Variants in SEMA6D observed in about 807,000 individuals in gnomAD.
SEMA6D encodes the protein semaphorin-6D.
A neutral mutation model predicts 106.6 loss-of-function variants in SEMA6D; 35 were observed. That is an observed-to-expected ratio of 0.33 (90% confidence interval 0.25 to 0.44). The LOEUF (loss-of-function observed/expected upper bound fraction) is 0.44, where lower values mean the gene tolerates loss of function less well. SEMA6D is among the 20% of genes least tolerant of loss of function. SEMA6D has a pLI of 1.00. For synonymous variants in SEMA6D, 499 were observed against 487.7 expected (o/e 1.02, Z -0.31); for missense variants, 1,185 against 1,345.9 (o/e 0.88, Z 1.87).
intron 6 of SEMA6D, 41 bp from the exon 7 acceptor site, chr15:47,761,620 T>A: frequency 6.8e-7 from 1 of 1,477,962 alleles, no homozygotes; most frequent in East Asian, 2.3e-5. Context: ...AACGGGCACG[T>A]TGAATAGATA....
intron 4 of SEMA6D, among the ~76,000 whole-genome samples, chr15:47,692,404 A>C (rs1184970758): frequency 1.3e-5 from 2 of 152,078 alleles, no homozygotes; most frequent in African/African-American, 4.8e-5. Flanking sequence ...CATCTCCCAT[A>C]CCAGCTCTGT....
At chr15:47,524,206 A>AT (rs1474524899) in intron 3 of SEMA6D, among the ~76,000 whole-genome samples, 1 of 152,184 alleles carries the variant, frequency 6.6e-6, no homozygotes, top group Admixed American at 6.5e-5. Context: ...GAATGTTGCC[A>AT]TATCTAGGTA....
chr15:47,322,000 A>C (rs2036941593), intron 1 of SEMA6D, among the ~76,000 whole-genome samples: 1 of 152,286 alleles, frequency 6.6e-6, no homozygotes, highest in Non-Finnish European at 1.5e-5. Flanking sequence ...ATTTAGGGTA[A>C]GTCTATGCTT....
intron 3 of SEMA6D, among the ~76,000 whole-genome samples, chr15:47,594,127 A>T (rs1325032047): frequency 2.0e-5 from 3 of 152,258 alleles, no homozygotes; most frequent in Non-Finnish European, 4.4e-5. Flanking sequence ...GACAGATGCT[A>T]TCAAGGCTTA....
At chr15:47,356,448 CAGA>C (rs908259430) in intron 1 of SEMA6D, among the ~76,000 whole-genome samples, 2 of 151,870 alleles carry the variant, frequency 1.3e-5, no homozygotes, top group Admixed American at 1.3e-4. Flanking sequence ...TGGGAAAAAT[CAGA>C]AGATTTTGAG....
chr15:47,747,610 G>A (rs541833747), intron 1 of SEMA6D, among the ~76,000 whole-genome samples: 31 of 152,056 alleles, frequency 2.0e-4, no homozygotes, highest in Non-Finnish European at 3.8e-4. Context: ...TAAGAGCAAG[G>A]CATTAATAAG....
chr15:47,353,775 A>G lies in SEMA6D; in HGVS notation c.-238-58618A>G, dbSNP rs555767806. ...ACATTTATCTAGAAAGAATGAATGC[A>G]CTGTCCTTTTCCTAAAGGCAACAGT... On this transcript the variant is annotated intron_variant, in intron 1 of 19. Transcript: ENST00000558014. Among the ~76,000 whole-genome samples the G allele has an allele frequency of 2.6e-5, 4 of 152,324 alleles. No homozygotes were observed. The East Asian group carries it at 7.7e-4, about 29-fold the overall frequency.
intron 3 of SEMA6D, among the ~76,000 whole-genome samples, chr15:47,584,760 G>T (rs1042691150): frequency 3.3e-5 from 5 of 152,132 alleles, no homozygotes; most frequent in Non-Finnish European, 7.3e-5. Flanking sequence ...TACCCCCAGG[G>T]CAAAGCAGCC....
chr15:47,480,213 A>G (rs1036261233), intron 3 of SEMA6D, among the ~76,000 whole-genome samples: 1 of 152,032 alleles, frequency 6.6e-6, no homozygotes, highest in Admixed American at 6.6e-5. Flanking sequence ...TCTCACCTGC[A>G]TGAAAGTAAT....
chr15:47,546,496 C>G (rs569339248), intron 3 of SEMA6D, among the ~76,000 whole-genome samples: 1 of 152,220 alleles, frequency 6.6e-6, no homozygotes, highest in Non-Finnish European at 1.5e-5. Context: ...TGTAAGTGCA[C>G]TGTATCTCCA....
intron 3 of SEMA6D, among the ~76,000 whole-genome samples, chr15:47,760,664 GA>G (rs3840835): frequency 0.42 from 62,162 of 148,188 alleles, 13,528 homozygotes; most frequent in East Asian, 0.63. Flanking sequence ...AGCAGCAGGG[GA>G]AAAAAAAAAA....
intron 1 of SEMA6D, among the ~76,000 whole-genome samples, chr15:47,186,384 A>G (rs1305643849): frequency 1.3e-5 from 2 of 152,184 alleles, no homozygotes. Flanking sequence ...GGTAGAAGAA[A>G]ATAAAAATGG....
intron 4 of SEMA6D, among the ~76,000 whole-genome samples, chr15:47,673,959 T>C (rs2078189796): frequency 6.6e-6 from 1 of 152,222 alleles, no homozygotes; most frequent in Non-Finnish European, 1.5e-5. Flanking sequence ...CTCTGCTTCT[T>C]ATGTCATTGT....
At chr15:47,494,784 A>ATATG (rs1232552971) in intron 3 of SEMA6D, among the ~76,000 whole-genome samples, 1 of 100,770 alleles carries the variant, frequency 9.9e-6, no homozygotes, top group Non-Finnish European at 1.9e-5. Flanking sequence ...ATATATATAT[A>ATATG]TATATAATCT....
chr15:47,602,160 A>C (rs1203222517), intron 4 of SEMA6D, among the ~76,000 whole-genome samples: 2 of 152,198 alleles, frequency 1.3e-5, no homozygotes, highest in African/African-American at 4.8e-5. Flanking sequence ...AGTTTCTTCC[A>C]TAATTCTTAC....
intron 4 of SEMA6D, among the ~76,000 whole-genome samples, chr15:47,674,157 C>G (rs1409879019): frequency 6.6e-6 from 1 of 152,060 alleles, no homozygotes; most frequent in African/African-American, 2.4e-5. Context: ...GGGTCTGAGC[C>G]CAATTAAAAT....
intron 1 of SEMA6D, among the ~76,000 whole-genome samples, chr15:47,347,151 G>T (rs180723607): frequency 6.6e-6 from 1 of 151,982 alleles, no homozygotes; most frequent in Non-Finnish European, 1.5e-5. Flanking sequence ...CAGGAGATCC[G>T]CCCGCCTCAG....
intron 1 of SEMA6D, among the ~76,000 whole-genome samples, chr15:47,364,720 A>G (rs1046347118): frequency 4.6e-5 from 7 of 151,534 alleles, no homozygotes; most frequent in Non-Finnish European, 8.8e-5. Flanking sequence ...CTTAAGCCTC[A>G]CACGTACTTC....
Position 47,239,252 on chromosome 15 carries a change from G to A in SEMA6D, c.-239+54834G>A, listed in dbSNP as rs185771736. ...CACTGTCTCCTGTCACCCCCAGATGGGACCGTGTAGTTGCAGGAAAACAAG... is the reference window on the plus strand; with the variant it reads ...CACTGTCTCCTGTCACCCCCAGATGAGACCGTGTAGTTGCAGGAAAACAAG... On this transcript the variant is annotated intron_variant, in intron 1 of 19. Coordinates refer to the SEMA6D transcript ENST00000558014. Among the ~76,000 whole-genome samples the A allele has an allele frequency of 6.6e-5, 10 of 152,204 alleles. No individual in the cohort carries two copies. In the South Asian group the frequency reaches 2.1e-3, roughly 32 times the overall value.
Sources: gnomAD v4.1 joint callset for allele counts (sites outside exome capture counted in the v4.1 genomes callset) on GRCh38, gnomAD v4.1.1 for gene constraint, MANE v1.5 for transcripts, NCBI Gene and HGNC (gene_info 2026-07-23, HGNC 2026-07-21) for gene names.